LAMC3: variants seen among roughly 807,000 people sequenced by gnomAD.
LAMC3 encodes laminin subunit gamma 3, also known as laminin subunit gamma-3.
In LAMC3, 128 loss-of-function variants were observed where a neutral mutation model predicts 173.8. That is an observed-to-expected ratio of 0.74 (90% CI 0.64 to 0.85). The LOEUF (loss-of-function observed/expected upper bound fraction) is 0.85. Among genes scored for constraint, LAMC3 ranks in the 40% least tolerant of loss-of-function variants. The probability of loss-of-function intolerance (pLI) is 0.00; values close to 1 mark genes in which losing one functional copy is unlikely to be tolerated. For synonymous variants in LAMC3, 897 were observed against 909.1 expected (o/e 0.99, Z 0.24); for missense variants, 2,022 against 2,156.0 (o/e 0.94, Z 1.23).
At chr9:131,088,805 G>A (rs1238941173) in intron 27 of LAMC3, among the ~76,000 whole-genome samples, 1 of 152,016 alleles carries the variant, frequency 6.6e-6, no homozygotes, top group East Asian at 1.9e-4. Context: ...CTCTGGGCCA[G>A]GCAGGGTGGC....
At chr9:131,085,491 G>C (rs768390268) in intron 24 of LAMC3, 33 bp from the exon 25 acceptor site, 2 of 1,612,622 alleles carry the variant, frequency 1.2e-6, no homozygotes, top group Middle Eastern at 1.7e-4. Context: ...TGTGAGCCCA[G>C]TTCCCCTGAC....
chr9:131,059,123 G>A (rs1253946113), intron 12 of LAMC3, among the ~76,000 whole-genome samples: 1 of 151,968 alleles, frequency 6.6e-6, no homozygotes, highest in South Asian at 2.1e-4. Context: ...TTCAACCTGG[G>A]AGATGGAGGT....
chr9:131,027,084 A>G (rs897575998), intron 2 of LAMC3, among the ~76,000 whole-genome samples: 1 of 152,238 alleles, frequency 6.6e-6, no homozygotes, highest in Non-Finnish European at 1.5e-5. Context: ...GATGCCGCTA[A>G]TGAACCAGAA....
intron 12 of LAMC3, among the ~76,000 whole-genome samples, chr9:131,059,214 C>T (rs992370926): frequency 1.5e-5 from 2 of 136,012 alleles, no homozygotes; most frequent in Non-Finnish European, 3.1e-5. Context: ...AAAAAAAGGC[C>T]GGGCACGGTG....
chr9:131,083,423 T>C (rs1411499332), intron 24 of LAMC3, among the ~76,000 whole-genome samples: 1 of 152,154 alleles, frequency 6.6e-6, no homozygotes, highest in African/African-American at 2.4e-5. Flanking sequence ...CTGTGCTCAG[T>C]TGGTGTTCAG....
Position 131,021,711 on chromosome 9 carries a change from C to T in LAMC3, c.374-4574C>T, listed in dbSNP as rs1290194900. 2.0e-5 allele frequency among the ~76,000 whole-genome samples: 3 copies of T among 152,336 alleles called. No homozygotes were observed. The East Asian group carries it at 5.8e-4, about 29-fold the overall frequency. On this transcript the variant is annotated intron_variant, in intron 1 of 27. Coordinates refer to ENST00000361069, the MANE Select transcript of LAMC3 (RefSeq NM_006059.4). Reference sequence around the variant, plus strand: ...CCCCAAGGCTGTCTTCCGCCACACACACCAGTCACAAGTCTAGGCCTCACG... The same window carrying T: ...CCCCAAGGCTGTCTTCCGCCACACATACCAGTCACAAGTCTAGGCCTCACG...
intron 22 of LAMC3, among the ~76,000 whole-genome samples, 198 bp from the exon 23 acceptor site, chr9:131,078,951 C>T (rs1386279308): frequency 6.6e-6 from 1 of 152,262 alleles, no homozygotes; most frequent in Non-Finnish European, 1.5e-5. Flanking sequence ...AGCCTGACCC[C>T]TGCTATTCCT....
At position 131,026,679 on chromosome 9, in the gene LAMC3, T is replaced by C; in HGVS notation, c.678+90T>C. 6.9e-7 allele frequency: 1 copy of C among 1,440,878 alleles called. No homozygotes were observed. Among genetic ancestry groups the C allele is most frequent in the South Asian group, 1.5e-5 (1 of 67,836 alleles). The allele number at this position is 1,440,878 out of a possible 1,614,324, so 89.3% of individuals were successfully genotyped here. ...GTCTGATGTGCCAGGACACACAGGG[T>C]GGGGGACCTGCAAAACCCCATGGTT... On this transcript the variant is annotated intron_variant, in intron 2 of 27. Coordinates refer to ENST00000361069, the MANE Select transcript of LAMC3 (RefSeq NM_006059.4). The surrounding 1 kb of genome is among the most constrained non-coding windows in gnomAD (Gnocchi z 4.8).
chr9:131,068,948 C>T lies in LAMC3; in HGVS notation c.2788C>T (p.His930Tyr), dbSNP rs545636769. ...HPLGSQEDQC[H>Y]PKTGQCTCRP... Reference sequence around the variant, plus strand: ...ACTGGGCTCCCAGGAGGACCAGTGCCATCCCAAGACTGGACAGTGCACCTG... The same window carrying T: ...ACTGGGCTCCCAGGAGGACCAGTGCTATCCCAAGACTGGACAGTGCACCTG... Residue 930 changes from histidine to tyrosine, a missense_variant, in exon 16 of 28, where the codon CAT becomes TAT. Transcript: ENST00000361069. 7 of 1,614,094 alleles carry T rather than the reference C, an allele frequency of 4.3e-6. No homozygotes were observed. The highest frequency in any genetic ancestry group is 1.6e-4 in the Middle Eastern group (1 of 6,062).
rs192298495 is a variant in LAMC3, at chr9:131,069,439, A to T, written c.2891-233A>T. 2.0e-3 allele frequency among the ~76,000 whole-genome samples: 309 copies of T among 152,242 alleles called. 1 individual carries two copies. Among genetic ancestry groups the T allele is most frequent in the Non-Finnish European group, 3.3e-3 (226 of 67,994 alleles). On this transcript the variant is annotated intron_variant, in intron 16 of 27. Coordinates refer to ENST00000361069, the MANE Select transcript of LAMC3 (RefSeq NM_006059.4). ...GTTGGGCTGCATTGGCAGTTCCTAA[A>T]CCTGGCTGGTCCTCAGATCCCGAGG...
chr9:131,012,441 G>T (rs12003080), intron 1 of LAMC3, among the ~76,000 whole-genome samples: 13,849 of 152,304 alleles, frequency 0.091, 725 homozygotes, highest in Middle Eastern at 0.2. Flanking sequence ...TGTGTGACCA[G>T]CGTGGCTGCT....
chr9:131,022,402 A>G (rs759942432), intron 1 of LAMC3, among the ~76,000 whole-genome samples: 3 of 151,950 alleles, frequency 2.0e-5, no homozygotes, highest in Non-Finnish European at 2.9e-5. Context: ...GACAGCTATC[A>G]TAACACCACA....
chr9:131,091,592 A>G lies in LAMC3; in HGVS notation c.4533A>G (p.Ala1511=), dbSNP rs199530413. Residue 1511 remains alanine (A), a synonymous_variant, in exon 28 of 28, where the codon GCA becomes GCG. Coordinates refer to ENST00000361069, the MANE Select transcript of LAMC3 (RefSeq NM_006059.4). The stretch of plus-strand genomic sequence containing the variant: ...AGGCCCTGAACGAGACTCAGTGGGC[A>G]CTAGAACGCCTGAGGCTGCAGCTGG... ...PAQALNETQW[A]LERLRLQLGS... 5 of 1,592,226 alleles carry G rather than the reference A, an allele frequency of 3.1e-6. No homozygotes were observed. Among genetic ancestry groups the G allele is most frequent in the East Asian group, 2.3e-5 (1 of 44,146 alleles).
At chr9:131,061,627 C>T (rs1028693246) in intron 13 of LAMC3, among the ~76,000 whole-genome samples, 2 of 152,200 alleles carry the variant, frequency 1.3e-5, no homozygotes, top group South Asian at 2.1e-4. Context: ...GAACCACCTA[C>T]GCCCACCCTT....
At chr9:131,019,625 G>A (rs1185913585) in intron 1 of LAMC3, among the ~76,000 whole-genome samples, 1 of 152,192 alleles carries the variant, frequency 6.6e-6, no homozygotes, top group Non-Finnish European at 1.5e-5. Context: ...CTGTATGGCT[G>A]AGATCCCCAA....
chr9:131,050,880 T>C (rs890421042), intron 9 of LAMC3, among the ~76,000 whole-genome samples: 7 of 151,986 alleles, frequency 4.6e-5, no homozygotes, highest in Admixed American at 2.0e-4. Context: ...TGGAACAGTG[T>C]GTGAAACCAT....
chr9:131,073,950 T>C lies in LAMC3; in HGVS notation c.3494+629T>C, dbSNP rs915684612. On this transcript the variant is annotated intron_variant, in intron 20 of 27. Transcript: ENST00000361069. ...CTTTTTTTTCTTTTCTTTTCTTTTT[T>C]TTTTTTTTTTTTTTGAGACGGAGTC... Among the ~76,000 whole-genome samples the C allele has an allele frequency of 1.3e-4, 19 of 142,592 alleles. No individual in the cohort carries two copies. The South Asian group carries it at 2.1e-3, about 16-fold the overall frequency. The allele number at this position is 142,592 out of a possible 152,430, so 93.5% of individuals were successfully genotyped here.
At chr9:131,030,201 A>G (rs942601805) in intron 2 of LAMC3, among the ~76,000 whole-genome samples, 1 of 152,176 alleles carries the variant, frequency 6.6e-6, no homozygotes, top group Non-Finnish European at 1.5e-5. Flanking sequence ...TGGCCTCCCA[A>G]AGTGCTGGCA....
At chr9:131,040,243 T>C (rs1834024961) in intron 6 of LAMC3, among the ~76,000 whole-genome samples, 1 of 151,826 alleles carries the variant, frequency 6.6e-6, no homozygotes, top group African/African-American at 2.4e-5. Context: ...AGTGGCGCGA[T>C]CTCTACTCAC....
Sources: allele counts gnomAD v4.1 joint callset (sites outside exome capture counted in the v4.1 genomes callset), GRCh38; gene constraint gnomAD v4.1.1; non-coding constraint Gnocchi (gnomAD v3.1); transcripts MANE v1.5; gene names NCBI Gene and HGNC (gene_info 2026-07-23, HGNC 2026-07-21).